ZNHIT6: variants seen among roughly 807,000 people sequenced by gnomAD.
ZNHIT6 encodes the protein box C/D snoRNA protein 1.
In ZNHIT6, 45 loss-of-function variants were observed where a neutral mutation model predicts 57.2. The observed-to-expected ratio is 0.79, with a 90% CI of 0.62 to 1.01. The LOEUF is 1.01. Ranked by LOEUF, ZNHIT6 falls within the 50% of genes least tolerant of loss-of-function variation. The pLI, the probability that ZNHIT6 is intolerant of heterozygous loss-of-function variation, is 0.00. For synonymous variants in ZNHIT6, 188 were observed against 190.0 expected, an observed-to-expected ratio of 0.99 and a Z score of 0.09; for missense variants, 528 against 567.3, an observed-to-expected ratio of 0.93 and a Z score of 0.70.
chr1:85,662,451 G>C (rs1024665223), intron 8 of ZNHIT6, among the ~76,000 whole-genome samples: 4 of 151,940 alleles, frequency 2.6e-5, no homozygotes, highest in African/African-American at 4.8e-5. Flanking sequence ...TTTCACAGTT[G>C]TATTTATTTC....
chr1:85,687,299 C>CAAAAAAAAAAAAAAAAAAAAAAAA (rs55889012), intron 5 of ZNHIT6, among the ~76,000 whole-genome samples: 7 of 77,928 alleles, frequency 9.0e-5, no homozygotes, highest in Non-Finnish European at 1.2e-4. Context: ...AAAAAAAAAA[C>CAAAAAAAAAAAAAAAAAAAAAAAA]AAAAAAAAAA....
chr1:85,657,112 G>C (rs1159441208), intron 9 of ZNHIT6, among the ~76,000 whole-genome samples: 1 of 152,098 alleles, frequency 6.6e-6, no homozygotes, highest in Non-Finnish European at 1.5e-5. Context: ...TAAAGGTAGT[G>C]ACTAAATTTT....
chr1:85,689,676 A>T (rs9324152), intron 5 of ZNHIT6, among the ~76,000 whole-genome samples: 129,193 of 152,148 alleles, frequency 0.85, 55,204 homozygotes, highest in East Asian at 0.95. Flanking sequence ...TTACTTCCAA[A>T]AATTGATGAA....
intron 8 of ZNHIT6, among the ~76,000 whole-genome samples, chr1:85,667,947 C>CGAAAAAAAAAA (rs1661420062): frequency 1.1e-4 from 1 of 9,252 alleles, no homozygotes; most frequent in East Asian, 2.8e-3. Flanking sequence ...CTCTCTCTTT[C>CGAAAAAAAAAA]AAAAAAAAAA....
In ZNHIT6 at chr1:85,677,325, ACAT is replaced by A. The variant is rs1428552400; in HGVS notation, c.1170-15_1170-13del. ...TGTAGGCTTTCAACCTGAAATAAAAACATCATATTGAAGGAAAAGCTGATTTTT... is the reference window on the plus strand; with the variant it reads ...TGTAGGCTTTCAACCTGAAATAAAAACATATTGAAGGAAAAGCTGATTTTT... On this transcript the variant is annotated splice_polypyrimidine_tract_variant and intron_variant, in intron 7 of 9. Coordinates refer to ENST00000370574, the MANE Select transcript of ZNHIT6 (RefSeq NM_017953.4). The A allele has an allele frequency of 6.3e-7, 1 of 1,595,264 alleles. No homozygotes were observed. Among genetic ancestry groups the A allele is most frequent in the African/African-American group, 1.4e-5 (1 of 73,962 alleles).
intron 5 of ZNHIT6, among the ~76,000 whole-genome samples, chr1:85,691,460 A>T (rs955318478): frequency 6.6e-6 from 1 of 152,228 alleles, no homozygotes; most frequent in African/African-American, 2.4e-5. Context: ...AAGACTCAAA[A>T]ATGAGATGAC....
At chr1:85,690,413 A>AT (rs112620077) in intron 5 of ZNHIT6, among the ~76,000 whole-genome samples, 5 of 152,328 alleles carry the variant, frequency 3.3e-5, no homozygotes, top group African/African-American at 1.2e-4. Context: ...CTCTGTCTAG[A>AT]TAAAAACCTA....
chr1:85,654,235 G>T, intron 9 of ZNHIT6, 137 bp from the exon 10 acceptor site: 1 of 619,088 alleles, frequency 1.6e-6, no homozygotes, highest in Non-Finnish European at 2.7e-6. Flanking sequence ...TCATGTCCCA[G>T]GCAGCTAGGA....
chr1:85,692,538 C>T (rs1662249382), intron 5 of ZNHIT6, among the ~76,000 whole-genome samples: 1 of 152,156 alleles, frequency 6.6e-6, no homozygotes, highest in South Asian at 2.1e-4. Flanking sequence ...AGCTGTCAAT[C>T]AGTTGACAAG....
intron 5 of ZNHIT6, among the ~76,000 whole-genome samples, chr1:85,697,786 T>C (rs1164177741): frequency 6.6e-6 from 1 of 152,226 alleles, no homozygotes; most frequent in Non-Finnish European, 1.5e-5. Context: ...ACTTAAAAGA[T>C]CACTTAAGAA....
At chr1:85,666,738 T>TGATAAAAAAA (rs1661381726) in intron 8 of ZNHIT6, among the ~76,000 whole-genome samples, 1 of 152,174 alleles carries the variant, frequency 6.6e-6, no homozygotes, top group Non-Finnish European at 1.5e-5. Context: ...AAGAGTATCA[T>TGATAAAAAAA]CTTTGAGATG....
At chr1:85,667,947 C>G (rs12405147) in intron 8 of ZNHIT6, among the ~76,000 whole-genome samples, 578 of 9,284 alleles carry the variant, frequency 0.062, 96 homozygotes, top group East Asian at 0.47. Context: ...CTCTCTCTTT[C>G]AAAAAAAAAA....
At position 85,655,526 on chromosome 1, in the gene ZNHIT6, A is replaced by T. The variant is rs1661037208; in HGVS notation, c.1373-1428T>A. On this transcript the variant is annotated intron_variant, in intron 9 of 9. Coordinates refer to ENST00000370574, the MANE Select transcript of ZNHIT6 (RefSeq NM_017953.4). ...AAGTTTATTTTGCTGACATTTCTAA[A>T]TTAATAAAGATTTTTAGCAGTATGG... Among the ~76,000 whole-genome samples, 3 of 152,194 alleles carry T rather than the reference A, an allele frequency of 2.0e-5. No individual in the cohort carries two copies. In the South Asian group the frequency reaches 6.2e-4, roughly 31 times the overall value.
chr1:85,689,067 T>C (rs1259368128), intron 5 of ZNHIT6, among the ~76,000 whole-genome samples: 3 of 152,068 alleles, frequency 2.0e-5, no homozygotes, highest in South Asian at 2.1e-4. Context: ...TTATAAGCAA[T>C]AGAAAAAGAA....
rs1660984514 is a variant in ZNHIT6, at chr1:85,653,941, TA to T, written c.*116del. 1.3e-6 allele frequency: 1 copy of T among 750,732 alleles called. No individual in the cohort carries two copies. The highest frequency in any genetic ancestry group is 1.8e-5 in the African/African-American group (1 of 56,264). 46.5% of individuals were successfully genotyped at this position (750,732 alleles called of 1,614,324 possible). A position where few individuals can be genotyped will look rare whatever the true frequency, so the allele number is the denominator to read the frequency against. ...TTAAAAGAGTTAAGCTTATTTTTCATACAAAGAAAAAATTCCAATCACCCAT... is the reference window on the plus strand; with the variant it reads ...TTAAAAGAGTTAAGCTTATTTTTCATCAAAGAAAAAATTCCAATCACCCAT... On this transcript the variant is annotated 3_prime_UTR_variant, in exon 10 of 10. Coordinates refer to ENST00000370574, the MANE Select transcript of ZNHIT6 (RefSeq NM_017953.4).
At chr1:85,666,700 C>T (rs1389155253) in intron 8 of ZNHIT6, among the ~76,000 whole-genome samples, 2 of 152,284 alleles carry the variant, frequency 1.3e-5, no homozygotes, top group East Asian at 3.9e-4. Context: ...AACAAGAATA[C>T]CACATATGAA....
chr1:85,694,202 T>G (rs1662296347), intron 5 of ZNHIT6, among the ~76,000 whole-genome samples: 1 of 152,190 alleles, frequency 6.6e-6, no homozygotes, highest in African/African-American at 2.4e-5. Context: ...ATACTTAAGA[T>G]TTGTGCATTT....
At chr1:85,698,246 A>C (rs1662432931) in intron 5 of ZNHIT6, among the ~76,000 whole-genome samples, 1 of 152,192 alleles carries the variant, frequency 6.6e-6, no homozygotes, top group South Asian at 2.1e-4. Flanking sequence ...CACTTTGACT[A>C]TTCAGTGAAA....
intron 5 of ZNHIT6, among the ~76,000 whole-genome samples, chr1:85,689,645 A>G (rs572610836): frequency 6.6e-6 from 1 of 152,330 alleles, no homozygotes; most frequent in South Asian, 2.1e-4. Flanking sequence ...GAAGACGGAA[A>G]TGAAATGAAA....
Sources: gnomAD v4.1 joint callset for allele counts (sites outside exome capture counted in the v4.1 genomes callset) on GRCh38, gnomAD v4.1.1 for gene constraint, MANE v1.5 for transcripts, NCBI Gene and HGNC (gene_info 2026-07-23, HGNC 2026-07-21) for gene names.